Variants in BATF observed in about 807,000 individuals in gnomAD.
BATF encodes the protein basic leucine zipper transcriptional factor ATF-like.
A neutral mutation model predicts 13.7 loss-of-function variants in BATF; 5 were observed. The ratio of observed to expected loss-of-function variants is 0.36; its 90% CI spans 0.19 to 0.77. The LOEUF is 0.77. Among genes scored for constraint, BATF ranks in the 30% least tolerant of loss-of-function variants. The probability of loss-of-function intolerance (pLI) is 0.51; values close to 1 mark genes in which losing one functional copy is unlikely to be tolerated. For missense variants in BATF, 124 were observed against 163.0 expected, an observed-to-expected ratio of 0.76 and a Z score of 1.30; for synonymous variants, 72 against 67.5, an observed-to-expected ratio of 1.07 and a Z score of -0.33.
At chr14:75,532,776 T>C (rs1288417111) in intron 2 of BATF, among the ~76,000 whole-genome samples, 1 of 151,842 alleles carries the variant, frequency 6.6e-6, no homozygotes, top group African/African-American at 2.4e-5. Flanking sequence ...CATAGAAAGA[T>C]GTCAGTGATA....
At position 75,542,087 on chromosome 14, in the gene BATF, G is replaced by A. The variant is rs143031425; in HGVS notation, c.169-4375G>A. 5.3e-3 allele frequency among the ~76,000 whole-genome samples: 810 copies of A among 152,280 alleles called. 5 individuals carry two copies. Among genetic ancestry groups the A allele is most frequent in the African/African-American group, 0.016 (673 of 41,532 alleles). ...AGCCCTGCTCTGCGCCTCCCTCGCGGGCAATGAGTCTTTGCATCAAACACT... is the reference window on the plus strand; with the variant it reads ...AGCCCTGCTCTGCGCCTCCCTCGCGAGCAATGAGTCTTTGCATCAAACACT... On this transcript the variant is annotated intron_variant, in intron 2 of 2. Transcript: ENST00000286639.
intron 2 of BATF, among the ~76,000 whole-genome samples, chr14:75,530,061 CA>C (rs56386431): frequency 0.18 from 19,403 of 109,564 alleles, 1,430 homozygotes; most frequent in African/African-American, 0.31. Flanking sequence ...GAGACTCCGT[CA>C]AAAAAAAAAA....
At chr14:75,525,341 A>T (rs1221093964) in intron 2 of BATF, among the ~76,000 whole-genome samples, 153 bp downstream of exon 2, 1 of 151,788 alleles carries the variant, frequency 6.6e-6, no homozygotes, top group East Asian at 1.9e-4. Context: ...TGAGGTAGGG[A>T]AGGGAAGCTG....
At chr14:75,530,838 A>G (rs902547112) in intron 2 of BATF, among the ~76,000 whole-genome samples, 5 of 152,206 alleles carry the variant, frequency 3.3e-5, no homozygotes, top group Admixed American at 3.3e-4. Flanking sequence ...AATAAAAAGA[A>G]AAAGTTACAT....
chr14:75,533,877 A>C (rs1259163470), intron 2 of BATF, among the ~76,000 whole-genome samples: 2 of 152,206 alleles, frequency 1.3e-5, no homozygotes, highest in African/African-American at 4.8e-5. Context: ...CCAAGAACCC[A>C]AACCTCTTGC....
chr14:75,537,039 G>A (rs987112086), intron 2 of BATF, among the ~76,000 whole-genome samples: 1 of 152,076 alleles, frequency 6.6e-6, no homozygotes, highest in African/African-American at 2.4e-5. Flanking sequence ...GAACACACAC[G>A]TTCTTCTTTC....
chr14:75,541,587 G>C (rs1471405893), intron 2 of BATF, among the ~76,000 whole-genome samples: 1 of 152,220 alleles, frequency 6.6e-6, no homozygotes, highest in Non-Finnish European at 1.5e-5. Context: ...GTGTTGTGTT[G>C]TGTGTGGGTC....
chr14:75,540,240 G>A (rs1014487493), intron 2 of BATF, among the ~76,000 whole-genome samples: 1 of 152,090 alleles, frequency 6.6e-6, no homozygotes, highest in African/African-American at 2.4e-5. Flanking sequence ...CGTCCCTAAT[G>A]GCTCCCGGCG....
At chr14:75,538,665 C>T (rs1339919294) in intron 2 of BATF, among the ~76,000 whole-genome samples, 1 of 152,136 alleles carries the variant, frequency 6.6e-6, no homozygotes, top group Non-Finnish European at 1.5e-5. Flanking sequence ...ACTTTGGGAG[C>T]CCGAGGCGGG....
intron 2 of BATF, among the ~76,000 whole-genome samples, chr14:75,545,123 C>T (rs1440744187): frequency 6.6e-6 from 1 of 152,146 alleles, no homozygotes; most frequent in Admixed American, 6.5e-5. Context: ...CTTGGGACAC[C>T]CCCAAAATAC....
intron 2 of BATF, 26 bp downstream of exon 2, chr14:75,525,214 C>A: frequency 2.5e-6 from 4 of 1,603,166 alleles, no homozygotes; most frequent in Non-Finnish European, 3.4e-6. Context: ...AATCTTCATC[C>A]TCGTGAGCTT....
intron 2 of BATF, among the ~76,000 whole-genome samples, chr14:75,540,340 T>C (rs1887878766): frequency 6.6e-6 from 1 of 152,098 alleles, no homozygotes; most frequent in African/African-American, 2.4e-5. Context: ...TTTCCCAGAA[T>C]GTTCCCACGC....
intron 2 of BATF, among the ~76,000 whole-genome samples, chr14:75,541,403 G>T (rs867278663): frequency 2.0e-5 from 3 of 152,152 alleles, no homozygotes; most frequent in Non-Finnish European, 4.4e-5. Context: ...ACCGCTGATG[G>T]AGCTCACCGT....
intron 2 of BATF, among the ~76,000 whole-genome samples, chr14:75,541,070 C>CAG (rs1160864635): frequency 6.6e-6 from 1 of 152,158 alleles, no homozygotes; most frequent in African/African-American, 2.4e-5. Flanking sequence ...GTCTGGGCAA[C>CAG]AGAGAGAGAC....
chr14:75,539,510 C>T (rs372629196), intron 2 of BATF, among the ~76,000 whole-genome samples: 16 of 126,402 alleles, frequency 1.3e-4, no homozygotes, highest in East Asian at 8.1e-4. Flanking sequence ...TTGGGATGGA[C>T]GCTGAATGAA....
In BATF at chr14:75,522,630, A is replaced by G; in HGVS notation, c.-53A>G. ...CAGGAAGGGAGCCCAGCTGGTGACAAGAGAGCCCAGAGGTGCCTGGGGCTG... is the reference window on the plus strand; with the variant it reads ...CAGGAAGGGAGCCCAGCTGGTGACAGGAGAGCCCAGAGGTGCCTGGGGCTG... On this transcript the variant is annotated 5_prime_UTR_variant, in exon 1 of 3. Transcript: ENST00000286639. The G allele has an allele frequency of 1.2e-6, 2 of 1,609,470 alleles. No individual in the cohort carries two copies. Among genetic ancestry groups the G allele is most frequent in the Non-Finnish European group, 1.7e-6 (2 of 1,175,876 alleles).
intron 2 of BATF, among the ~76,000 whole-genome samples, chr14:75,534,085 AG>A: frequency 6.6e-6 from 1 of 152,366 alleles, no homozygotes; most frequent in Middle Eastern, 3.4e-3. Context: ...CAAACTTGAC[AG>A]GGGCTGAAGT....
intron 2 of BATF, among the ~76,000 whole-genome samples, chr14:75,536,121 C>G (rs28546995): frequency 0.51 from 77,242 of 151,966 alleles, 20,025 homozygotes; most frequent in East Asian, 0.61. Flanking sequence ...AGTTGGAAGT[C>G]AGGCTGGAAA....
chr14:75,529,952 T>A (rs1026150557), intron 2 of BATF, among the ~76,000 whole-genome samples: 1 of 150,762 alleles, frequency 6.6e-6, no homozygotes. Context: ...TAGTCCCAGC[T>A]ACTTGAGAGG....
Sources: gnomAD v4.1 joint callset for allele counts (sites outside exome capture counted in the v4.1 genomes callset) on GRCh38, gnomAD v4.1.1 for gene constraint, MANE v1.5 for transcripts, NCBI Gene and HGNC (gene_info 2026-07-23, HGNC 2026-07-21) for gene names.